The following ITGB1BP1 variants were observed in gnomAD, a reference collection of about 807,000 sequenced individuals.
The protein encoded by ITGB1BP1 is integrin beta-1-binding protein 1.
In ITGB1BP1, 20 loss-of-function variants were observed where a neutral mutation model predicts 28.0. The observed-to-expected ratio is 0.71, with a 90% confidence interval of 0.50 to 1.04. The LOEUF (loss-of-function observed/expected upper bound fraction) is 1.04, where lower values mean the gene tolerates loss of function less well. ITGB1BP1 is among the 50% of genes least tolerant of loss of function. The pLI is 0.00. For missense variants in ITGB1BP1, 228 were observed against 242.5 expected, an observed-to-expected ratio of 0.94 and a Z score of 0.40; for synonymous variants, 103 against 89.5, an observed-to-expected ratio of 1.15 and a Z score of -0.85.
intron 4 of ITGB1BP1, among the ~76,000 whole-genome samples, chr2:9,409,110 A>G (rs1361251909): frequency 6.6e-6 from 1 of 152,222 alleles, no homozygotes; most frequent in Admixed American, 6.5e-5. Flanking sequence ...TCAGCTACTC[A>G]GGAACCGCAG....
chr2:9,411,019 C>T (rs1184193814), intron 4 of ITGB1BP1, among the ~76,000 whole-genome samples: 1 of 152,176 alleles, frequency 6.6e-6, no homozygotes, highest in Non-Finnish European at 1.5e-5. Flanking sequence ...TTTCTAGAAA[C>T]TCCAGAAGCA....
At chr2:9,406,979 C>A in intron 6 of ITGB1BP1, 74 bp from the exon 7 acceptor site, 2 of 1,110,204 alleles carry the variant, frequency 1.8e-6, no homozygotes, top group South Asian at 2.5e-5. Flanking sequence ...CTAGCAGAGG[C>A]ACACACCTGA....
Position 9,415,561 on chromosome 2 carries a change from C to T in ITGB1BP1, c.73-1305G>A, listed in dbSNP as rs993446526. The stretch of plus-strand genomic sequence containing the variant: ...CACCACTGCACTCCAGCCTGGGCGA[C>T]AGAGTGAGGCTCCGTCTCCAAAAAT... On this transcript the variant is annotated intron_variant, in intron 2 of 6. Coordinates refer to ENST00000355346, the MANE Select transcript of ITGB1BP1 (RefSeq NM_004763.5). This position sits in a 1 kb window ranked among gnomAD's most constrained non-coding sequence, Gnocchi z 4.1. Among the ~76,000 whole-genome samples, 2 of 152,150 alleles carry T rather than the reference C, an allele frequency of 1.3e-5. No homozygotes were observed. Among genetic ancestry groups the T allele is most frequent in the Non-Finnish European group, 2.9e-5 (2 of 68,030 alleles).
intron 3 of ITGB1BP1, among the ~76,000 whole-genome samples, chr2:9,413,078 C>T (rs1348758206): frequency 1.3e-5 from 2 of 152,170 alleles, no homozygotes; most frequent in Non-Finnish European, 2.9e-5. Context: ...GACTTATAAC[C>T]TCAACCATAT....
intron 4 of ITGB1BP1, 148 bp downstream of exon 4, chr2:9,412,121 C>CA: frequency 1.5e-6 from 1 of 665,338 alleles, no homozygotes; most frequent in Non-Finnish European, 2.6e-6. Flanking sequence ...AGCGCTCACG[C>CA]ACATGTGCGG....
At chr2:9,413,399 A>G (rs1352374209) in intron 3 of ITGB1BP1, among the ~76,000 whole-genome samples, 2 of 151,760 alleles carry the variant, frequency 1.3e-5, no homozygotes, top group African/African-American at 4.8e-5. Flanking sequence ...TGCGATTCTC[A>G]GCTCACTGCA....
In ITGB1BP1 at chr2:9,406,847, G is replaced by T. The variant is rs201269168; in HGVS notation, c.590C>A (p.Ser197Tyr). ...TGATTGCAGGATTCAGGGTTTCTCA[G>T]ATGTTAATACAGAGTCAAAAGCGGT... is the stretch of plus-strand genomic sequence containing the variant. ...LSTAFDSVLT[S>Y]EKP Residue 197 changes from serine to tyrosine, a missense_variant, in exon 7 of 7, where the codon TCT (serine) becomes TAT (tyrosine). Ser to Tyr is a moderately radical substitution (Grantham distance 144). This residue lies in a region of ITGB1BP1 where 192 missense variants were observed against 181.6 expected (regional missense o/e 1.06). Transcript: ENST00000355346. 6.2e-7 allele frequency: 1 copy of T among 1,611,928 alleles called. No homozygotes were observed. Among genetic ancestry groups the T allele is most frequent in the Admixed American group, 1.7e-5 (1 of 60,028 alleles).
At chr2:9,412,229 A>C (rs1246340411) in intron 4 of ITGB1BP1, 40 bp downstream of exon 4, 1 of 1,578,876 alleles carries the variant, frequency 6.3e-7, no homozygotes, top group Non-Finnish European at 8.6e-7. Flanking sequence ...GGCTCCCCAG[A>C]CTCTCATAAC....
chr2:9,412,781 G>A lies in ITGB1BP1; in HGVS notation c.152-376C>T, dbSNP rs114260650. Reference sequence around the variant, plus strand: ...CCCCTTAGAGAGAGGGTCTCACTACGTTGCCCAGGCTGGTCTTGAACTCCT... The same window carrying A: ...CCCCTTAGAGAGAGGGTCTCACTACATTGCCCAGGCTGGTCTTGAACTCCT... On this transcript the variant is annotated intron_variant, in intron 3 of 6. Transcript: ENST00000355346. 7.3e-3 allele frequency: 1,168 copies of A among 159,230 alleles called. 9 individuals are homozygous for A. Among genetic ancestry groups the A allele is most frequent in the Non-Finnish European group, 0.011 (797 of 73,568 alleles). 9.9% of individuals were successfully genotyped at this position (159,230 alleles called of 1,614,324 possible).
At chr2:9,412,170 G>A in intron 4 of ITGB1BP1, 99 bp downstream of exon 4, 1 of 997,802 alleles carries the variant, frequency 1.0e-6, no homozygotes, top group Non-Finnish European at 1.5e-6. Context: ...AAGCGGAGCG[G>A]CACCCAGTGG....
chr2:9,416,297 C>T (rs1232519665), intron 2 of ITGB1BP1, among the ~76,000 whole-genome samples: 1 of 152,132 alleles, frequency 6.6e-6, no homozygotes, highest in East Asian at 1.9e-4. Context: ...GGGCTAAGTA[C>T]CCAGATACTT....
At chr2:9,420,564 T>C (rs763069226) in intron 1 of ITGB1BP1, among the ~76,000 whole-genome samples, 6 of 152,118 alleles carry the variant, frequency 3.9e-5, no homozygotes, top group Non-Finnish European at 5.9e-5. Flanking sequence ...AAAAAGATGC[T>C]GTAGCTCTTT....
intron 1 of ITGB1BP1, chr2:9,420,186 C>T: frequency 3.7e-6 from 1 of 271,344 alleles, no homozygotes; most frequent in Non-Finnish European, 5.6e-6. Context: ...ATTTGGAGAC[C>T]CCACTCTAAG....
intron 3 of ITGB1BP1, among the ~76,000 whole-genome samples, chr2:9,413,346 T>G (rs1310104137): frequency 6.6e-6 from 1 of 152,148 alleles, no homozygotes; most frequent in African/African-American, 2.4e-5. Context: ...TTCTTTTTTT[T>G]GAGATGGAGT....
In ITGB1BP1 at chr2:9,404,216, G is replaced by A. The variant is rs996620320; in HGVS notation, c.*2618C>T. ...CACATCACTTGCTGTTTCCTACTGAGTGTACCACTGCCTTCCCTTCTAGCC... is the reference window on the plus strand; with the variant it reads ...CACATCACTTGCTGTTTCCTACTGAATGTACCACTGCCTTCCCTTCTAGCC... On this transcript the variant is annotated 3_prime_UTR_variant, in exon 7 of 7. Transcript: ENST00000355346. The A allele has an allele frequency of 6.6e-6, 1 of 152,218 alleles. No individual in the cohort carries two copies. The highest frequency in any genetic ancestry group is 2.4e-5 in the African/African-American group (1 of 41,452). 9.4% of individuals were successfully genotyped at this position (152,218 alleles called of 1,614,324 possible).
intron 3 of ITGB1BP1, among the ~76,000 whole-genome samples, chr2:9,413,877 T>G (rs1678777413): frequency 6.6e-6 from 1 of 152,164 alleles, no homozygotes; most frequent in African/African-American, 2.4e-5. Flanking sequence ...TTTTAATTTT[T>G]GTGGGTACAT....
At position 9,415,053 on chromosome 2, in the gene ITGB1BP1, G is replaced by C. The variant is rs964794519; in HGVS notation, c.73-797C>G. On this transcript the variant is annotated intron_variant, in intron 2 of 6. Coordinates refer to ENST00000355346, the MANE Select transcript of ITGB1BP1 (RefSeq NM_004763.5). The surrounding 1 kb of genome is among the most constrained non-coding windows in gnomAD (Gnocchi z 4.1). Reference sequence around the variant, plus strand: ...GAGGACAGGAGTTCGAAACCAGCCTGGCCAACATGGTGAAACCCCGTCTCT... The same window carrying C: ...GAGGACAGGAGTTCGAAACCAGCCTCGCCAACATGGTGAAACCCCGTCTCT... Among the ~76,000 whole-genome samples, 2 of 151,908 alleles carry C rather than the reference G, an allele frequency of 1.3e-5. No individual in the cohort carries two copies. The highest frequency in any genetic ancestry group is 2.1e-4 in the South Asian group (1 of 4,808).
At chr2:9,412,747 A>AT (rs1461102604) in intron 3 of ITGB1BP1, 3 of 168,686 alleles carry the variant, frequency 1.8e-5, no homozygotes, top group South Asian at 1.6e-4. Context: ...CCTCTTCACC[A>AT]TTTTTTTTCC....
At position 9,405,812 on chromosome 2, in the gene ITGB1BP1, TTAACTC is replaced by T. The variant is rs1340668702; in HGVS notation, c.*1016_*1021del. The T allele has an allele frequency of 1.3e-5, 2 of 152,242 alleles. No individual in the cohort carries two copies. The highest frequency in any genetic ancestry group is 2.9e-5 in the Non-Finnish European group (2 of 68,048). 9.4% of individuals were successfully genotyped at this position (152,242 alleles called of 1,614,324 possible). A position where few individuals can be genotyped will look rare whatever the true frequency, so the allele number is the denominator to read the frequency against. ...TGAGCGGTAATCTTTTAAGGTTCTC[TTAACTC>T]TAGGAATTGTGGTTGGCCAGCATGT... On this transcript the variant is annotated 3_prime_UTR_variant, in exon 7 of 7. Transcript: ENST00000355346.
Sources: allele counts gnomAD v4.1 joint callset (sites outside exome capture counted in the v4.1 genomes callset), GRCh38; gene constraint gnomAD v4.1.1; regional missense constraint gnomAD v4.1.1; non-coding constraint Gnocchi (gnomAD v3.1); transcripts MANE v1.5; gene names NCBI Gene and HGNC (gene_info 2026-07-23, HGNC 2026-07-21).